AUTS2: variants seen among roughly 807,000 people sequenced by gnomAD.
AUTS2 encodes autism susceptibility gene 2 protein.
A neutral mutation model predicts 112.4 loss-of-function variants in AUTS2; 17 were observed. The observed-to-expected ratio is 0.15, with a 90% CI of 0.10 to 0.23. AUTS2 has a LOEUF of 0.23. Ranked by LOEUF, AUTS2 falls within the 10% of genes least tolerant of loss-of-function variation. The pLI is 1.00. For missense variants in AUTS2, 1,510 were observed against 1,701.6 expected, an observed-to-expected ratio of 0.89 and a Z score of 1.98; for synonymous variants, 751 against 702.7, an observed-to-expected ratio of 1.07 and a Z score of -1.09.
intron 5 of AUTS2, 60 bp downstream of exon 5, chr7:70,435,841 T>G (rs1795872206): frequency 6.4e-7 from 1 of 1,563,658 alleles, no homozygotes; most frequent in East Asian, 2.2e-5. Context: ...ACCAGAGTCC[T>G]CCCACACACA....
At chr7:70,411,147 G>A (rs991261803) in intron 4 of AUTS2, among the ~76,000 whole-genome samples, 9 of 152,012 alleles carry the variant, frequency 5.9e-5, no homozygotes, top group East Asian at 1.9e-4. Context: ...TTACAGGCAC[G>A]AGCCACCGCA....
At chr7:69,834,127 T>A (rs1791617939) in intron 1 of AUTS2, among the ~76,000 whole-genome samples, 1 of 152,182 alleles carries the variant, frequency 6.6e-6, no homozygotes, top group South Asian at 2.1e-4. Flanking sequence ...CTTCCCACTG[T>A]TAAACTCCCC....
chr7:70,547,047 TC>T (rs1800817708), intron 5 of AUTS2, among the ~76,000 whole-genome samples: 1 of 152,214 alleles, frequency 6.6e-6, no homozygotes, highest in African/African-American at 2.4e-5. Flanking sequence ...AGTGTATAAT[TC>T]AGTGATTTTT....
chr7:69,744,491 T>C (rs1185948050), intron 1 of AUTS2, among the ~76,000 whole-genome samples: 1 of 152,126 alleles, frequency 6.6e-6, no homozygotes, highest in Non-Finnish European at 1.5e-5. Context: ...GTCATTCTAT[T>C]AGACCAGTGA....
At chr7:70,112,460 G>A (rs979831011) in intron 2 of AUTS2, among the ~76,000 whole-genome samples, 6 of 151,912 alleles carry the variant, frequency 3.9e-5, no homozygotes, top group African/African-American at 1.4e-4. Context: ...TATTAACTAA[G>A]TCAAACTTCA....
At chr7:70,559,336 T>TC (rs1345962143) in intron 5 of AUTS2, among the ~76,000 whole-genome samples, 1 of 151,238 alleles carries the variant, frequency 6.6e-6, no homozygotes, top group Non-Finnish European at 1.5e-5. Flanking sequence ...TTCCTTTCTT[T>TC]CTTTTTTTTT....
At chr7:70,375,994 G>A (rs1464542098) in intron 4 of AUTS2, among the ~76,000 whole-genome samples, 15 of 151,540 alleles carry the variant, frequency 9.9e-5, no homozygotes, top group South Asian at 4.2e-4. Context: ...AGGTGAGAAC[G>A]GAGGAGTAGT....
chr7:70,590,990 G>A (rs1465493083), intron 5 of AUTS2, among the ~76,000 whole-genome samples: 1 of 152,180 alleles, frequency 6.6e-6, no homozygotes, highest in East Asian at 1.9e-4. Context: ...GGAACTTGTA[G>A]TTAAGGTGTC....
rs112331090 is a variant in AUTS2, at chr7:70,505,927, C to T, written c.690+70146C>T. On this transcript the variant is annotated intron_variant, in intron 5 of 18. Transcript: ENST00000342771. ...TTTCCGTATCAGTAATGTCTTAGCT[C>T]CTTATCAGGTTAATTACCCACCCCT... 4.3e-3 allele frequency among the ~76,000 whole-genome samples: 659 copies of T among 152,284 alleles called. 11 individuals carry two copies. The highest frequency in any genetic ancestry group is 0.015 in the African/African-American group (633 of 41,554).
At chr7:70,377,353 T>TATATATATATATATATATATAGTG (rs1793149389) in intron 4 of AUTS2, among the ~76,000 whole-genome samples, 1 of 115,708 alleles carries the variant, frequency 8.6e-6, no homozygotes, top group Non-Finnish European at 1.8e-5. Context: ...TATATATATA[T>TATATATATATATATATATATAGTG]ATATATATAT....
At chr7:69,767,437 C>T (rs529003762) in intron 1 of AUTS2, among the ~76,000 whole-genome samples, 2 of 152,144 alleles carry the variant, frequency 1.3e-5, no homozygotes, top group Non-Finnish European at 2.9e-5. Flanking sequence ...TTGGCCCCAT[C>T]AAAGTGCTAA....
At chr7:69,638,950 T>G (rs961025779) in intron 1 of AUTS2, among the ~76,000 whole-genome samples, 1 of 152,234 alleles carries the variant, frequency 6.6e-6, no homozygotes. Flanking sequence ...TTTGGAACTT[T>G]TCAATTTGCT....
intron 4 of AUTS2, among the ~76,000 whole-genome samples, chr7:70,346,250 C>T (rs1791492150): frequency 6.6e-6 from 1 of 152,108 alleles, no homozygotes; most frequent in African/African-American, 2.4e-5. Flanking sequence ...TCCCATGAGC[C>T]TGGGTGATAC....
Position 70,790,002 on chromosome 7 carries a change from C to T in AUTS2, c.2786C>T (p.Ala929Val), listed in dbSNP as rs200872171. 63 of 1,599,328 alleles carry T rather than the reference C, an allele frequency of 3.9e-5. No individual in the cohort carries two copies. Among genetic ancestry groups the T allele is most frequent in the Non-Finnish European group, 5.4e-5 (63 of 1,173,406 alleles). Reference protein sequence around the residue: ...KDGHGHEGRAAGEEAKQLARV... With the variant: ...KDGHGHEGRAVGEEAKQLARV... The stretch of plus-strand genomic sequence containing the variant: ...GGGCACGGCCACGAGGGGCGCGCCG[C>T]GGGCGAAGAGGCCAAGCAGCTGGCC... Residue 929 changes from alanine to valine, a missense_variant, in exon 19 of 19, where the codon GCG (alanine) becomes GTG (valine). This residue lies in a region of AUTS2 where 788 missense variants were observed against 797.6 expected (regional missense o/e 0.99). Transcript: ENST00000342771. The surrounding 1 kb of genome is among the most constrained non-coding windows in gnomAD (Gnocchi z 7.6).
intron 2 of AUTS2, among the ~76,000 whole-genome samples, chr7:70,090,758 C>T (rs902591572): frequency 2.7e-5 from 4 of 150,580 alleles, no homozygotes; most frequent in African/African-American, 4.9e-5. Flanking sequence ...AGCTCACTGC[C>T]GCCTTCGCCT....
intron 4 of AUTS2, among the ~76,000 whole-genome samples, chr7:70,315,948 T>C (rs1183717697): frequency 6.6e-6 from 1 of 152,236 alleles, no homozygotes; most frequent in Non-Finnish European, 1.5e-5. Context: ...TCTCAAGTTG[T>C]TCTCCTTTGT....
chr7:70,006,508 G>T (rs1413351012), intron 2 of AUTS2, among the ~76,000 whole-genome samples: 1 of 152,186 alleles, frequency 6.6e-6, no homozygotes, highest in Non-Finnish European at 1.5e-5. Flanking sequence ...TGTTGGAGGA[G>T]TGAAAAGCTG....
chr7:70,462,848 T>G (rs543823083), intron 5 of AUTS2, among the ~76,000 whole-genome samples: 1 of 152,060 alleles, frequency 6.6e-6, no homozygotes, highest in East Asian at 1.9e-4. Context: ...TCACAGCTAC[T>G]CGGGAGGCTG....
intron 4 of AUTS2, among the ~76,000 whole-genome samples, chr7:70,349,239 G>A (rs993155813): frequency 6.6e-6 from 1 of 152,188 alleles, no homozygotes; most frequent in Non-Finnish European, 1.5e-5. Context: ...GAGGGGTGAC[G>A]TGCGACTTAG....
Sources: allele counts gnomAD v4.1 joint callset (sites outside exome capture counted in the v4.1 genomes callset), GRCh38; gene constraint gnomAD v4.1.1; regional missense constraint gnomAD v4.1.1; non-coding constraint Gnocchi (gnomAD v3.1); transcripts MANE v1.5; gene names NCBI Gene and HGNC (gene_info 2026-07-23, HGNC 2026-07-21).